Variants in TSGA10 observed in about 807,000 individuals in gnomAD.
TSGA10 encodes the protein testis specific 10, also known as testis-specific gene 10 protein.
Under a neutral mutation model 96.6 loss-of-function variants are expected in TSGA10, and 43 were observed. That is an observed-to-expected ratio of 0.44 (90% CI 0.35 to 0.57). TSGA10 has a LOEUF of 0.57. Ranked by LOEUF, TSGA10 falls within the 20% of genes least tolerant of loss-of-function variation. The probability of loss-of-function intolerance (pLI) is 0.01; values close to 1 mark genes in which losing one functional copy is unlikely to be tolerated. For synonymous variants in TSGA10, 229 were observed against 269.9 expected, an observed-to-expected ratio of 0.85 and a Z score of 1.48; for missense variants, 703 against 834.4, an observed-to-expected ratio of 0.84 and a Z score of 1.94.
At chr2:99,131,560 C>A (rs1372960456) in intron 1 of TSGA10, among the ~76,000 whole-genome samples, 1 of 152,202 alleles carries the variant, frequency 6.6e-6, no homozygotes, top group Non-Finnish European at 1.5e-5. Flanking sequence ...ATCATGTCAT[C>A]TGCAAACAGA....
At chr2:99,121,805 T>C (rs1325389249) in intron 2 of TSGA10, among the ~76,000 whole-genome samples, 2 of 152,210 alleles carry the variant, frequency 1.3e-5, no homozygotes, top group African/African-American at 4.8e-5. Context: ...TACCAATTTT[T>C]CCTTTTATGA....
At chr2:99,098,438 C>CAAAAAAA (rs59144676) in intron 10 of TSGA10, among the ~76,000 whole-genome samples, 12 of 92,602 alleles carry the variant, frequency 1.3e-4, no homozygotes, top group African/African-American at 3.1e-4. Context: ...GACTCTGCCT[C>CAAAAAAA]AAAAAAAAAA....
In TSGA10 at chr2:99,108,955, T is replaced by C. The variant is rs2104840367; in HGVS notation, c.88A>G (p.Thr30Ala). The change falls in exon 7 of 21, where the codon ACA becomes GCA. Residue 30 changes from threonine to alanine, a missense_variant. Thr to Ala is a moderately conservative substitution (Grantham distance 58, BLOSUM62 0). Coordinates refer to ENST00000393483, the MANE Select transcript of TSGA10 (RefSeq NM_025244.4). The part of the protein sequence containing the change: ...NCDVELLKTT[T>A]RDREELKCML... ...CATTTAAGTTCTTCACGATCTCTTG[T>C]TGTTGTCTTCAAAAGTTCTACATCA... 25 of 1,595,370 alleles carry C rather than the reference T, an allele frequency of 1.6e-5. No individual in the cohort carries two copies. The highest frequency in any genetic ancestry group is 1.7e-4 in the Middle Eastern group (1 of 5,970).
In TSGA10 at chr2:99,083,877, G is replaced by A. The variant is rs79578541; in HGVS notation, c.612-2480C>T. On this transcript the variant is annotated intron_variant, in intron 10 of 20. Transcript: ENST00000393483. ...ATATTTTTGCGGTAATAGACTTTCC[G>A]TGTCTTGAATGTGGTAGTAGTTACA... is the stretch of plus-strand genomic sequence containing the variant. Among the ~76,000 whole-genome samples, 220 of 152,242 alleles carry A rather than the reference G, an allele frequency of 1.4e-3. 7 individuals carry two copies. In the East Asian group the frequency reaches 0.031, roughly 22 times the overall value.
At chr2:99,044,738 C>A (rs1057082871) in intron 16 of TSGA10, among the ~76,000 whole-genome samples, 24 of 152,276 alleles carry the variant, frequency 1.6e-4, no homozygotes, top group African/African-American at 5.8e-4. Flanking sequence ...TTCTTCTCAG[C>A]ACCTCATCAC....
intron 16 of TSGA10, among the ~76,000 whole-genome samples, chr2:99,054,279 G>C (rs540872349): frequency 4.9e-4 from 75 of 152,262 alleles, no homozygotes; most frequent in Non-Finnish European, 9.6e-4. Context: ...GTGGAGAAAG[G>C]ACGATCTCTG....
chr2:99,089,069 T>A lies in TSGA10; in HGVS notation c.612-7672A>T, dbSNP rs1048476802. On this transcript the variant is annotated intron_variant, in intron 10 of 20. Coordinates refer to ENST00000393483, the MANE Select transcript of TSGA10 (RefSeq NM_025244.4). ...AGGACCTGAGAGACAGCCCACATAA[T>A]TTGAGTGCCCAAAGTGGGAAAGTGG... Among the ~76,000 whole-genome samples the A allele has an allele frequency of 6.6e-5, 10 of 152,194 alleles. No homozygotes were observed. The East Asian group carries it at 1.9e-3, about 29-fold the overall frequency.
intron 16 of TSGA10, among the ~76,000 whole-genome samples, chr2:99,039,503 A>G (rs2081995269): frequency 6.6e-6 from 1 of 152,110 alleles, no homozygotes; most frequent in Admixed American, 6.5e-5. Flanking sequence ...GCTACTATGA[A>G]CATTGTTACA....
At chr2:99,101,272 G>GCATAAATCAAATGGGAAAGATGA (rs2090697118) in intron 10 of TSGA10, among the ~76,000 whole-genome samples, 2 of 60,454 alleles carry the variant, frequency 3.3e-5, no homozygotes, top group Non-Finnish European at 8.0e-5. Context: ...AAAAAAAAAA[G>GCATAAATCAAATGGGAAAGATGA]CATAAATCAA....
chr2:99,036,217 C>T (rs1450644977), intron 16 of TSGA10, among the ~76,000 whole-genome samples: 1 of 152,042 alleles, frequency 6.6e-6, no homozygotes, highest in Non-Finnish European at 1.5e-5. Flanking sequence ...GTGTAAAGCA[C>T]TAGAATTTGC....
intron 13 of TSGA10, 116 bp downstream of exon 13, chr2:99,072,900 TGA>T (rs1476538299): frequency 3.1e-6 from 2 of 641,240 alleles, no homozygotes; most frequent in Non-Finnish European, 5.4e-6. Context: ...CCTCCTTTGA[TGA>T]GAGAGTTAGC....
chr2:99,081,185 T>G lies in TSGA10; in HGVS notation c.727+97A>C, dbSNP rs1268244078. On this transcript the variant is annotated intron_variant, in intron 11 of 20. Transcript: ENST00000393483. ...TTCATAAACTTAGTTAAGGGCTTGTTTCCAAGTTTTTCTATGTTATACTGA... is the reference window on the plus strand; with the variant it reads ...TTCATAAACTTAGTTAAGGGCTTGTGTCCAAGTTTTTCTATGTTATACTGA... 3.5e-6 allele frequency: 2 copies of G among 572,768 alleles called. 1 individual carries two copies. The highest frequency in any genetic ancestry group is 5.8e-6 in the Non-Finnish European group (2 of 344,736). 35.5% of individuals were successfully genotyped at this position (572,768 alleles called of 1,614,324 possible). A position where few individuals can be genotyped will look rare whatever the true frequency, so the allele number is the denominator to read the frequency against.
At chr2:99,030,450 C>A (rs900996888) in intron 17 of TSGA10, among the ~76,000 whole-genome samples, 3 of 152,130 alleles carry the variant, frequency 2.0e-5, no homozygotes, top group Non-Finnish European at 2.9e-5. Flanking sequence ...AAGTTCGAGA[C>A]CAGCCTGGGC....
intron 14 of TSGA10, among the ~76,000 whole-genome samples, chr2:99,069,223 C>A (rs1022191624): frequency 1.3e-5 from 2 of 151,980 alleles, no homozygotes; most frequent in African/African-American, 4.8e-5. Flanking sequence ...CTGAAAAAAA[C>A]TCTACTAGCA....
At position 99,109,112 on chromosome 2, in the gene TSGA10, T is replaced by TA. The variant is rs556150900; in HGVS notation, c.52-122dup. 364 of 845,618 alleles carry TA rather than the reference T, an allele frequency of 4.3e-4. 1 individual carries two copies. The African/African-American group carries it at 5.9e-3, about 14-fold the overall frequency. 52.4% of individuals were successfully genotyped at this position (845,618 alleles called of 1,614,324 possible). On this transcript the variant is annotated intron_variant, in intron 6 of 20. Coordinates refer to ENST00000393483, the MANE Select transcript of TSGA10 (RefSeq NM_025244.4). ...AAGACTATATAATGAAAGGAAATTA[T>TA]AAAAAATAAGTTTAAAAACCACATC...
intron 16 of TSGA10, among the ~76,000 whole-genome samples, chr2:99,058,463 G>A (rs1223085719): frequency 6.6e-6 from 1 of 151,624 alleles, no homozygotes; most frequent in Admixed American, 6.6e-5. Context: ...TTATTTAGAA[G>A]GAAAGAAATA....
At chr2:99,059,063 TA>T (rs2084342990) in intron 16 of TSGA10, among the ~76,000 whole-genome samples, 2 of 109,286 alleles carry the variant, frequency 1.8e-5, no homozygotes, top group African/African-American at 5.4e-5. Context: ...TATATATATA[TA>T]TATATTTATA....
chr2:98,998,020 A>T lies in TSGA10; in HGVS notation c.*177T>A. ...AGCCATATACATTTTTGTTTTTATA[A>T]GTCATCTCAGATCACTGCAACATGG... On this transcript the variant is annotated 3_prime_UTR_variant, in exon 21 of 21. Coordinates refer to ENST00000393483, the MANE Select transcript of TSGA10 (RefSeq NM_025244.4). 1.7e-6 allele frequency: 1 copy of T among 575,354 alleles called. No individual in the cohort carries two copies. 35.6% of individuals were successfully genotyped at this position (575,354 alleles called of 1,614,324 possible).
chr2:99,056,033 C>T (rs1382907672), intron 16 of TSGA10, among the ~76,000 whole-genome samples: 9 of 151,898 alleles, frequency 5.9e-5, no homozygotes, highest in Non-Finnish European at 1.3e-4. Flanking sequence ...GAAACCCCGT[C>T]TGTACTAAAA....
Sources: allele counts gnomAD v4.1 joint callset (sites outside exome capture counted in the v4.1 genomes callset), GRCh38; gene constraint gnomAD v4.1.1; transcripts MANE v1.5; gene names NCBI Gene and HGNC (gene_info 2026-07-23, HGNC 2026-07-21).